B4GALT5: variants seen among roughly 807,000 people sequenced by gnomAD.
B4GALT5 encodes the protein beta-1,4-galactosyltransferase 5, also known as UDP-Gal:beta-GlcNAc beta-1,4-galactosyltransferase 5.
B4GALT5 carries 11 observed loss-of-function variants against 45.0 expected under a neutral mutation model. The ratio of observed to expected loss-of-function variants is 0.24; its 90% CI spans 0.15 to 0.40. The LOEUF (loss-of-function observed/expected upper bound fraction) is 0.40, where lower values mean the gene tolerates loss of function less well. B4GALT5 is among the 10% of genes least tolerant of loss of function. The pLI is 1.00. For missense variants in B4GALT5, 337 were observed against 500.2 expected (o/e 0.67, Z 3.11); for synonymous variants, 185 against 182.9 (o/e 1.01, Z -0.09).
chr20:49,657,741 G>A (rs192524338), intron 1 of B4GALT5, among the ~76,000 whole-genome samples: 1 of 152,310 alleles, frequency 6.6e-6, no homozygotes, highest in Non-Finnish European at 1.5e-5. Context: ...GCCTTGGGAT[G>A]TGGATTCCGG....
chr20:49,693,272 G>A (rs2085824185), intron 1 of B4GALT5, among the ~76,000 whole-genome samples: 1 of 152,176 alleles, frequency 6.6e-6, no homozygotes, highest in African/African-American at 2.4e-5. Context: ...ATCAATCACG[G>A]TAGCAATAAC....
intron 1 of B4GALT5, among the ~76,000 whole-genome samples, chr20:49,671,426 C>A (rs975835670): frequency 1.3e-5 from 2 of 152,028 alleles, no homozygotes; most frequent in Admixed American, 6.6e-5. Flanking sequence ...AAATAATTTA[C>A]GCTAGGAGCA....
intron 1 of B4GALT5, among the ~76,000 whole-genome samples, chr20:49,711,058 G>A (rs2085908362): frequency 6.8e-6 from 1 of 146,760 alleles, no homozygotes. Context: ...GACAGCCTGG[G>A]CAACAGAGAC....
Position 49,647,048 on chromosome 20 carries a change from G to C in B4GALT5, c.281C>G (p.Thr94Ser), listed in dbSNP as rs376499166. The C allele has an allele frequency of 8.1e-6, 13 of 1,613,870 alleles. No homozygotes were observed. The South Asian group carries it at 1.4e-4, about 18-fold the overall frequency. The change falls in exon 3 of 9, where the codon ACC becomes AGC. Residue 94 changes from threonine (T) to serine (S), a missense_variant. Coordinates refer to ENST00000371711, the MANE Select transcript of B4GALT5 (RefSeq NM_004776.4). ...DYPLDLNHSE[T>S]FLQTTTFLPE... ...AAGAAATGTTGTAGTTTGCAGGAAG[G>C]TTTCACTGTGGTTCAAGTCAAGAGG...
intron 8 of B4GALT5, among the ~76,000 whole-genome samples, chr20:49,637,081 G>A (rs1332735109): frequency 6.6e-6 from 1 of 152,098 alleles, no homozygotes; most frequent in African/African-American, 2.4e-5. Flanking sequence ...ATTCCCCAAA[G>A]GCTACTGTGG....
chr20:49,657,886 T>A (rs1048781523), intron 1 of B4GALT5, among the ~76,000 whole-genome samples: 43 of 152,336 alleles, frequency 2.8e-4, no homozygotes, highest in African/African-American at 1.0e-3. Flanking sequence ...AAGCTAGTGC[T>A]TTTGGTGCTT....
intron 1 of B4GALT5, among the ~76,000 whole-genome samples, chr20:49,700,020 G>A (rs1487858752): frequency 6.6e-6 from 1 of 151,968 alleles, no homozygotes; most frequent in Non-Finnish European, 1.5e-5. Flanking sequence ...ACCCTTGCCC[G>A]CCACATGTGA....
intron 1 of B4GALT5, among the ~76,000 whole-genome samples, chr20:49,684,154 C>A (rs962439238): frequency 2.0e-5 from 3 of 151,598 alleles, no homozygotes; most frequent in African/African-American, 7.3e-5. Context: ...AAAAAAAGAG[C>A]AAAGTAATAG....
Position 49,642,461 on chromosome 20 carries a change from T to TAC in B4GALT5, c.606+5_606+6dup. ...GAAAAAAGAAAGGAAAAGAAAGGAC[T>TAC]ACTCACTTGTTCAACCACATAAAAT... On this transcript the variant is annotated splice_region_variant and intron_variant, in intron 5 of 8. Coordinates refer to ENST00000371711, the MANE Select transcript of B4GALT5 (RefSeq NM_004776.4). 2 of 1,590,160 alleles carry TAC rather than the reference T, an allele frequency of 1.3e-6. No individual in the cohort carries two copies. Among genetic ancestry groups the TAC allele is most frequent in the South Asian group, 2.2e-5 (2 of 90,104 alleles).
rs549809132 is a variant in B4GALT5, at chr20:49,642,663, C to T, written c.490-79G>A. 81 of 945,592 alleles carry T rather than the reference C, an allele frequency of 8.6e-5. No homozygotes were observed. In the Admixed American group the frequency reaches 1.7e-3, roughly 20 times the overall value. The allele number at this position is 945,592 out of a possible 1,614,324, so 58.6% of individuals were successfully genotyped here. A position where few individuals can be genotyped will look rare whatever the true frequency, so the allele number is the denominator to read the frequency against. ...TTAGCAGGACACCCCTGATGAATTGCTGACCAACCCATGGGAGTTCTGGGA... is the reference window on the plus strand; with the variant it reads ...TTAGCAGGACACCCCTGATGAATTGTTGACCAACCCATGGGAGTTCTGGGA... On this transcript the variant is annotated intron_variant, in intron 4 of 8. Coordinates refer to ENST00000371711, the MANE Select transcript of B4GALT5 (RefSeq NM_004776.4).
intron 2 of B4GALT5, among the ~76,000 whole-genome samples, chr20:49,650,620 A>G (rs944778901): frequency 3.3e-5 from 5 of 151,914 alleles, no homozygotes; most frequent in Non-Finnish European, 7.4e-5. Flanking sequence ...CTGGGCAACA[A>G]CAGCAAAACT....
chr20:49,684,032 T>C (rs1445530423), intron 1 of B4GALT5, among the ~76,000 whole-genome samples: 3 of 151,660 alleles, frequency 2.0e-5, no homozygotes, highest in East Asian at 3.9e-4. Flanking sequence ...TCTCAGCTAC[T>C]TGGAAGGCTG....
At chr20:49,694,539 A>C (rs1047734829) in intron 1 of B4GALT5, among the ~76,000 whole-genome samples, 2 of 151,884 alleles carry the variant, frequency 1.3e-5, no homozygotes, top group South Asian at 4.2e-4. Flanking sequence ...TGGGAGGGTG[A>C]GGTGGGAGGA....
At chr20:49,703,904 A>G (rs2085873454) in intron 1 of B4GALT5, among the ~76,000 whole-genome samples, 1 of 151,690 alleles carries the variant, frequency 6.6e-6, no homozygotes, top group Non-Finnish European at 1.5e-5. Flanking sequence ...AAAAAAAAAA[A>G]TACAGATTCA....
chr20:49,693,096 T>C (rs1176561443), intron 1 of B4GALT5, among the ~76,000 whole-genome samples: 1 of 152,208 alleles, frequency 6.6e-6, no homozygotes, highest in African/African-American at 2.4e-5. Context: ...TAATAGGCTA[T>C]ACCATCTAGG....
At chr20:49,672,535 T>C (rs2085720312) in intron 1 of B4GALT5, among the ~76,000 whole-genome samples, 1 of 151,320 alleles carries the variant, frequency 6.6e-6, no homozygotes, top group Non-Finnish European at 1.5e-5. Flanking sequence ...GCTGGATTAT[T>C]TTTCTGTCAT....
chr20:49,644,172 C>T (rs913751473), intron 3 of B4GALT5, among the ~76,000 whole-genome samples: 9 of 152,024 alleles, frequency 5.9e-5, no homozygotes, highest in African/African-American at 2.2e-4. Flanking sequence ...AGGGATCCAC[C>T]CACCTGGGCC....
chr20:49,694,208 A>G (rs1192215193), intron 1 of B4GALT5, among the ~76,000 whole-genome samples: 1 of 152,200 alleles, frequency 6.6e-6, no homozygotes, highest in Non-Finnish European at 1.5e-5. Context: ...CTTTCTGTAT[A>G]GAGAGGCGAT....
At chr20:49,665,969 G>A (rs1034618777) in intron 1 of B4GALT5, among the ~76,000 whole-genome samples, 2 of 152,186 alleles carry the variant, frequency 1.3e-5, no homozygotes, top group Non-Finnish European at 2.9e-5. Flanking sequence ...GAGCAAGAGC[G>A]AAAGGGCTTC....
Sources: allele counts gnomAD v4.1 joint callset (sites outside exome capture counted in the v4.1 genomes callset), GRCh38; gene constraint gnomAD v4.1.1; transcripts MANE v1.5; gene names NCBI Gene and HGNC (gene_info 2026-07-23, HGNC 2026-07-21).